The following FPR3 variants were observed in gnomAD, a reference collection of about 807,000 sequenced individuals.
FPR3 encodes N-formyl peptide receptor 3.
For missense variants in FPR3, 346 were observed against 443.2 expected (o/e 0.78, Z 1.97); for synonymous variants, 135 against 163.6 (o/e 0.83, Z 1.34).
intron 1 of FPR3, 90 bp from the exon 2 acceptor site, chr19:51,823,649 T>A (rs1199313680): frequency 1.0e-6 from 1 of 999,308 alleles, no homozygotes; most frequent in Non-Finnish European, 1.5e-6. Context: ...GGTCTGCTGG[T>A]AGGAGGAGGA....
At chr19:51,819,428 A>G (rs111299211) in intron 1 of FPR3, among the ~76,000 whole-genome samples, 3 of 152,354 alleles carry the variant, frequency 2.0e-5, no homozygotes, top group African/African-American at 7.2e-5. Context: ...GACTGAAAAG[A>G]GGTGGCCAAT....
chr19:51,800,616 T>G (rs1264061947), intron 1 of FPR3, among the ~76,000 whole-genome samples: 1 of 152,206 alleles, frequency 6.6e-6, no homozygotes, highest in Non-Finnish European at 1.5e-5. Context: ...GATGTTCGTG[T>G]GCCTTGTGGT....
At chr19:51,807,128 G>A (rs941773214) in intron 1 of FPR3, among the ~76,000 whole-genome samples, 2 of 152,176 alleles carry the variant, frequency 1.3e-5, no homozygotes, top group Non-Finnish European at 2.9e-5. Flanking sequence ...TGGAAGAAGC[G>A]GTCAGGGGGC....
At chr19:51,801,985 C>A (rs556650597) in intron 1 of FPR3, among the ~76,000 whole-genome samples, 13 of 152,174 alleles carry the variant, frequency 8.5e-5, no homozygotes, top group African/African-American at 3.1e-4. Flanking sequence ...CAATTAATAA[C>A]AAATTAAAAT....
At chr19:51,809,235 T>A (rs1409696714) in intron 1 of FPR3, among the ~76,000 whole-genome samples, 1 of 152,246 alleles carries the variant, frequency 6.6e-6, no homozygotes, top group Non-Finnish European at 1.5e-5. Context: ...AGTACATGAC[T>A]GTCCATCTGG....
At chr19:51,796,226 T>C (rs1436094693) in intron 1 of FPR3, among the ~76,000 whole-genome samples, 2 of 151,908 alleles carry the variant, frequency 1.3e-5, no homozygotes, top group African/African-American at 4.8e-5. Flanking sequence ...GCAGAAGGAA[T>C]AGAGAAAGCA....
intron 1 of FPR3, among the ~76,000 whole-genome samples, chr19:51,801,790 G>C (rs1022937549): frequency 1.3e-5 from 2 of 152,070 alleles, no homozygotes; most frequent in Non-Finnish European, 2.9e-5. Context: ...TTCATAGTGG[G>C]ATTCAAATTA....
At chr19:51,801,322 T>C (rs1423993592) in intron 1 of FPR3, among the ~76,000 whole-genome samples, 2 of 151,960 alleles carry the variant, frequency 1.3e-5, no homozygotes, top group African/African-American at 4.8e-5. Flanking sequence ...AATAGATAAA[T>C]TATGTATACA....
intron 1 of FPR3, among the ~76,000 whole-genome samples, chr19:51,804,592 C>A (rs1322384526): frequency 6.6e-6 from 1 of 152,046 alleles, no homozygotes; most frequent in African/African-American, 2.4e-5. Flanking sequence ...TGTGCCTTTA[C>A]AACATAGGTA....
At chr19:51,821,261 G>A (rs777633465) in intron 1 of FPR3, among the ~76,000 whole-genome samples, 8 of 152,324 alleles carry the variant, frequency 5.3e-5, no homozygotes, top group Non-Finnish European at 8.8e-5. Context: ...AGGTGCCAAC[G>A]ATAAGAGTAG....
At chr19:51,807,379 TGA>T (rs1288813019) in intron 1 of FPR3, among the ~76,000 whole-genome samples, 3 of 152,178 alleles carry the variant, frequency 2.0e-5, no homozygotes, top group Non-Finnish European at 4.4e-5. Context: ...CAGCGCAGTG[TGA>T]GTTTGCCACA....
At chr19:51,801,085 A>C (rs1283743669) in intron 1 of FPR3, among the ~76,000 whole-genome samples, 2 of 152,072 alleles carry the variant, frequency 1.3e-5, no homozygotes, top group South Asian at 4.1e-4. Flanking sequence ...CTGATGGGGG[A>C]AAAAAGAAAA....
chr19:51,818,574 G>A (rs933333072), intron 1 of FPR3, among the ~76,000 whole-genome samples: 2 of 152,216 alleles, frequency 1.3e-5, no homozygotes, highest in Non-Finnish European at 2.9e-5. Context: ...AATGGGTTAA[G>A]AGAATACCTC....
At chr19:51,799,939 C>T (rs2084019219) in intron 1 of FPR3, among the ~76,000 whole-genome samples, 2 of 152,346 alleles carry the variant, frequency 1.3e-5, no homozygotes, top group South Asian at 2.1e-4. Flanking sequence ...GAGCTGGCCA[C>T]CCGGTAGCCC....
At chr19:51,814,313 A>G (rs886208259) in intron 1 of FPR3, among the ~76,000 whole-genome samples, 1 of 152,124 alleles carries the variant, frequency 6.6e-6, no homozygotes, top group African/African-American at 2.4e-5. Flanking sequence ...TCAGATTAAG[A>G]TATTTGAACT....
At chr19:51,808,939 C>T (rs2122437896) in intron 1 of FPR3, among the ~76,000 whole-genome samples, 1 of 152,344 alleles carries the variant, frequency 6.6e-6, no homozygotes, top group African/African-American at 2.4e-5. Flanking sequence ...GGGTTTGTCA[C>T]TGAGCCATTC....
intron 1 of FPR3, among the ~76,000 whole-genome samples, chr19:51,807,488 T>A (rs1356621869): frequency 6.6e-6 from 1 of 152,134 alleles, no homozygotes; most frequent in East Asian, 1.9e-4. Context: ...TCCCTGCAGT[T>A]GATAGGATCT....
At chr19:51,807,335 C>A (rs1035222583) in intron 1 of FPR3, among the ~76,000 whole-genome samples, 2 of 152,198 alleles carry the variant, frequency 1.3e-5, no homozygotes, top group African/African-American at 4.8e-5. Flanking sequence ...TTCAAGGAGC[C>A]AGGGAGTGAG....
chr19:51,816,810 G>A (rs1409232697), intron 1 of FPR3, among the ~76,000 whole-genome samples: 2 of 152,180 alleles, frequency 1.3e-5, no homozygotes, highest in Non-Finnish European at 2.9e-5. Context: ...TTCATTGTAG[G>A]ATAGACAGTG....
Sources: allele counts gnomAD v4.1 joint callset (sites outside exome capture counted in the v4.1 genomes callset), GRCh38; gene constraint gnomAD v4.1.1; transcripts MANE v1.5; gene names NCBI Gene and HGNC (gene_info 2026-07-23, HGNC 2026-07-21).